Variants in ZYG11B observed in about 807,000 individuals in gnomAD.
The protein encoded by ZYG11B is zyg-11 family member B, cell cycle regulator.
A neutral mutation model predicts 82.4 loss-of-function variants in ZYG11B; 36 were observed. The observed-to-expected ratio is 0.44, with a 90% confidence interval of 0.33 to 0.58. The LOEUF is 0.58. Ranked by LOEUF, ZYG11B falls within the 20% of genes least tolerant of loss-of-function variation. The pLI is 0.02. For missense variants in ZYG11B, 552 were observed against 895.6 expected (o/e 0.62, Z 4.90); for synonymous variants, 303 against 312.8 (o/e 0.97, Z 0.33).
chr1:52,791,593 T>C (rs1466633410), intron 6 of ZYG11B, among the ~76,000 whole-genome samples: 1 of 152,096 alleles, frequency 6.6e-6, no homozygotes, highest in Non-Finnish European at 1.5e-5. Context: ...GGTCTCGAAC[T>C]CCTGACCTCA....
intron 10 of ZYG11B, among the ~76,000 whole-genome samples, chr1:52,806,826 T>A (rs983084831): frequency 7.2e-5 from 11 of 152,226 alleles, no homozygotes; most frequent in African/African-American, 1.4e-4. Context: ...GATTTTTAAA[T>A]TTTTTTAAAT....
chr1:52,729,615 G>T (rs1440448072), intron 1 of ZYG11B, among the ~76,000 whole-genome samples: 1 of 152,204 alleles, frequency 6.6e-6, no homozygotes, highest in East Asian at 1.9e-4. Context: ...GAATAGTTGA[G>T]ATGTTTAAGA....
intron 1 of ZYG11B, among the ~76,000 whole-genome samples, chr1:52,734,938 A>G (rs1266653195): frequency 1.3e-5 from 2 of 150,902 alleles, no homozygotes; most frequent in Non-Finnish European, 2.9e-5. Flanking sequence ...CATGTTGGTC[A>G]GGCTTGTCTT....
chr1:52,746,322 A>G lies in ZYG11B; in HGVS notation c.31-10136A>G, dbSNP rs564461094. Among the ~76,000 whole-genome samples the G allele has an allele frequency of 3.9e-5, 6 of 152,308 alleles. No homozygotes were observed. In the South Asian group the frequency reaches 1.2e-3, roughly 32 times the overall value. On this transcript the variant is annotated intron_variant, in intron 1 of 13. Transcript: ENST00000294353. ...GCAGTGTCATAATCCATGGAACACA[A>G]TCCTGCAAACAAAAAGTCATTTTGA...
Position 52,756,497 on chromosome 1 carries a change from AATTTCTT to A in ZYG11B, c.71_77del (p.Asn24ArgfsTer43). ...CTATTCCTTACTTGATATCTGCTTG[AATTTCTT>A]GACTACTCACCTTGAGAAGTTCTGT... On this transcript the variant is annotated frameshift_variant, in exon 2 of 14. Coordinates refer to ENST00000294353, the MANE Select transcript of ZYG11B (RefSeq NM_024646.3). LOFTEE classifies it high-confidence loss of function. 6.2e-7 allele frequency: 1 copy of A among 1,614,052 alleles called. No homozygotes were observed. The highest frequency in any genetic ancestry group is 8.5e-7 in the Non-Finnish European group (1 of 1,179,978).
intron 1 of ZYG11B, among the ~76,000 whole-genome samples, chr1:52,736,668 G>C (rs1644380953): frequency 6.6e-6 from 1 of 152,128 alleles, no homozygotes; most frequent in African/African-American, 2.4e-5. Flanking sequence ...GGCCAGGCTG[G>C]TCTCGAACTC....
Position 52,763,842 on chromosome 1 carries a change from T to C in ZYG11B, c.197-7178T>C, listed in dbSNP as rs191874884. Among the ~76,000 whole-genome samples the C allele has an allele frequency of 3.3e-5, 5 of 152,314 alleles. No individual in the cohort carries two copies. In the East Asian group the frequency reaches 5.8e-4, roughly 18 times the overall value. On this transcript the variant is annotated intron_variant, in intron 2 of 13. Transcript: ENST00000294353. ...TAATCTAAATTTATAAATCTTGACA[T>C]GTTCAGCCTTCTGGTTCAGGATAAA...
At chr1:52,797,132 A>T (rs867698122) in intron 8 of ZYG11B, among the ~76,000 whole-genome samples, 89 of 67,288 alleles carry the variant, frequency 1.3e-3, no homozygotes, top group African/African-American at 9.1e-3. Context: ...TATATTATAT[A>T]TTTATATATT....
chr1:52,750,535 A>G (rs1477369446), intron 1 of ZYG11B, among the ~76,000 whole-genome samples: 3 of 152,162 alleles, frequency 2.0e-5, no homozygotes, highest in African/African-American at 7.2e-5. Context: ...GGCCTCTCAA[A>G]GTGCTGAGAT....
Position 52,801,800 on chromosome 1 carries a change from CT to C in ZYG11B, c.1486-18del. On this transcript the variant is annotated intron_variant, in intron 8 of 13. Transcript: ENST00000294353. ...ACAGTTCAAAAGTGAAAACTTATTT[CT>C]GTTTTTTTTTTTTTCAGCAACTTCT... 1 of 1,512,106 alleles carries C rather than the reference CT, an allele frequency of 6.6e-7. No individual in the cohort carries two copies. Among genetic ancestry groups the C allele is most frequent in the Non-Finnish European group, 9.0e-7 (1 of 1,115,740 alleles). 93.7% of individuals were successfully genotyped at this position (1,512,106 alleles called of 1,614,324 possible). A position where few individuals can be genotyped will look rare whatever the true frequency, so the allele number is the denominator to read the frequency against.
intron 6 of ZYG11B, among the ~76,000 whole-genome samples, chr1:52,795,948 A>T (rs1200342458): frequency 6.6e-6 from 1 of 152,226 alleles, no homozygotes; most frequent in South Asian, 2.1e-4. Context: ...CTGTTGTGTT[A>T]GGTGCTATGA....
intron 2 of ZYG11B, among the ~76,000 whole-genome samples, chr1:52,769,805 C>G (rs1644730684): frequency 1.3e-5 from 2 of 152,206 alleles, no homozygotes; most frequent in Admixed American, 1.3e-4. Context: ...CCTCTCATGA[C>G]TTCAGGCTAT....
intron 10 of ZYG11B, among the ~76,000 whole-genome samples, chr1:52,812,903 A>G (rs1031064418): frequency 6.9e-6 from 1 of 144,470 alleles, no homozygotes; most frequent in Non-Finnish European, 1.5e-5. Flanking sequence ...ATTTTTGTGT[A>G]TTTAGTAGAG....
chr1:52,795,881 A>G (rs962008398), intron 6 of ZYG11B, among the ~76,000 whole-genome samples: 9 of 152,180 alleles, frequency 5.9e-5, no homozygotes, highest in African/African-American at 1.9e-4. Context: ...ACTAAGAACA[A>G]TATCTGGCAC....
In ZYG11B at chr1:52,796,394, A is replaced by T. The variant is rs1279067957; in HGVS notation, c.1434+3A>T. 6.2e-7 allele frequency: 1 copy of T among 1,610,606 alleles called. No homozygotes were observed. Among genetic ancestry groups the T allele is most frequent in the Admixed American group, 1.7e-5 (1 of 59,884 alleles). ...TCATTTCTATCCTGGCTGCCAAGGTACCTGAACTCTTGCTGAATAATTTTC... is the reference window on the plus strand; with the variant it reads ...TCATTTCTATCCTGGCTGCCAAGGTTCCTGAACTCTTGCTGAATAATTTTC... On this transcript the variant is annotated splice_donor_region_variant and intron_variant, in intron 7 of 13. Coordinates refer to ENST00000294353, the MANE Select transcript of ZYG11B (RefSeq NM_024646.3).
In ZYG11B at chr1:52,746,272, A is replaced by G. The variant is rs749340176; in HGVS notation, c.31-10186A>G. On this transcript the variant is annotated intron_variant, in intron 1 of 13. Coordinates refer to ENST00000294353, the MANE Select transcript of ZYG11B (RefSeq NM_024646.3). The stretch of plus-strand genomic sequence containing the variant: ...TGGCGAATATTTAACTCTTTAAGTT[A>G]TGACCTGTGTGGTCTAGTCTTAGTG... Among the ~76,000 whole-genome samples, 2 of 152,198 alleles carry G rather than the reference A, an allele frequency of 1.3e-5. 1 individual carries two copies. The highest frequency in any genetic ancestry group is 2.9e-5 in the Non-Finnish European group (2 of 68,032).
In ZYG11B at chr1:52,826,307, A is replaced by C. The variant is rs1343683880; in HGVS notation, c.*4678A>C. 1 of 152,154 alleles carries C rather than the reference A, an allele frequency of 6.6e-6. No individual in the cohort carries two copies. Among genetic ancestry groups the C allele is most frequent in the Non-Finnish European group, 1.5e-5 (1 of 68,022 alleles). 9.4% of individuals were successfully genotyped at this position (152,154 alleles called of 1,614,324 possible). A position where few individuals can be genotyped will look rare whatever the true frequency, so the allele number is the denominator to read the frequency against. On this transcript the variant is annotated 3_prime_UTR_variant, in exon 14 of 14. Transcript: ENST00000294353. ...TCTCAAATCCATGGTAGTAGTTTCA[A>C]ATGAGTTTGTGGATAATGGATGTTT...
intron 8 of ZYG11B, among the ~76,000 whole-genome samples, chr1:52,797,289 A>G (rs1645028408): frequency 1.1e-5 from 1 of 88,770 alleles, no homozygotes; most frequent in South Asian, 3.0e-4. Context: ...TTTATATTAT[A>G]TATAAAATAT....
intron 1 of ZYG11B, among the ~76,000 whole-genome samples, chr1:52,739,111 C>G (rs1208680996): frequency 6.6e-6 from 1 of 151,448 alleles, no homozygotes; most frequent in Non-Finnish European, 1.5e-5. Context: ...CCTCAGCCCC[C>G]GAGTGGTTGG....
Sources: allele counts gnomAD v4.1 joint callset (sites outside exome capture counted in the v4.1 genomes callset), GRCh38; gene constraint gnomAD v4.1.1; transcripts MANE v1.5; gene names NCBI Gene and HGNC (gene_info 2026-07-23, HGNC 2026-07-21).